Variants in BABAM2 observed in about 807,000 individuals in gnomAD.
The protein encoded by BABAM2 is BRISC and BRCA1-A complex member 2.
Under a neutral mutation model 54.7 loss-of-function variants are expected in BABAM2, and 31 were observed. The observed-to-expected ratio is 0.57, with a 90% CI of 0.43 to 0.77. The LOEUF is 0.77. BABAM2 is among the 30% of genes least tolerant of loss of function. The pLI, the probability that BABAM2 is intolerant of heterozygous loss-of-function variation, is 0.00. For synonymous variants in BABAM2, 167 were observed against 162.9 expected, an observed-to-expected ratio of 1.03 and a Z score of -0.19; for missense variants, 364 against 455.8, an observed-to-expected ratio of 0.80 and a Z score of 1.83.
At chr2:27,922,516 C>T (rs546791021) in intron 2 of BABAM2, among the ~76,000 whole-genome samples, 7 of 152,160 alleles carry the variant, frequency 4.6e-5, no homozygotes, top group African/African-American at 7.2e-5. Flanking sequence ...CAAGAATTCC[C>T]GCTTGATAAT....
intron 10 of BABAM2, among the ~76,000 whole-genome samples, chr2:28,253,019 G>A (rs1683639436): frequency 6.6e-6 from 1 of 152,188 alleles, no homozygotes; most frequent in Admixed American, 6.5e-5. Flanking sequence ...TAATATTAAA[G>A]TACTGTTGAC....
intron 4 of BABAM2, among the ~76,000 whole-genome samples, chr2:28,024,148 T>C (rs1675472005): frequency 6.6e-6 from 1 of 152,180 alleles, no homozygotes; most frequent in South Asian, 2.1e-4. Flanking sequence ...CTCACGCCTC[T>C]AATCCCAGCA....
At chr2:28,095,864 G>A (rs1309859948) in intron 6 of BABAM2, among the ~76,000 whole-genome samples, 1 of 152,154 alleles carries the variant, frequency 6.6e-6, no homozygotes, top group Non-Finnish European at 1.5e-5. Flanking sequence ...AACAATGGAA[G>A]GTGATCAGGC....
intron 7 of BABAM2, among the ~76,000 whole-genome samples, chr2:28,148,188 G>A (rs571966045): frequency 1.3e-5 from 2 of 152,122 alleles, no homozygotes; most frequent in Non-Finnish European, 2.9e-5. Flanking sequence ...AAACAGTATC[G>A]CATTGCTCAG....
Position 28,308,099 on chromosome 2 carries a change from C to T in BABAM2, c.1088+9608C>T, listed in dbSNP as rs562397500. 65 of 244,768 alleles carry T rather than the reference C, an allele frequency of 2.7e-4. 1 individual carries two copies. Among genetic ancestry groups the T allele is most frequent in the Non-Finnish European group, 4.5e-4 (55 of 122,700 alleles). The allele number at this position is 244,768 out of a possible 1,614,324, so 15.2% of individuals were successfully genotyped here. ...GCTCAGAGTGATTAATTGACTTTGC[C>T]GAGGGCACACAGCTGGCTTCTAGAG... is the stretch of plus-strand genomic sequence containing the variant. On this transcript the variant is annotated intron_variant, in intron 11 of 11. Coordinates refer to ENST00000379624, the MANE Select transcript of BABAM2 (RefSeq NM_199191.3).
chr2:28,105,466 C>G (rs1364193928), intron 6 of BABAM2, among the ~76,000 whole-genome samples: 1 of 152,040 alleles, frequency 6.6e-6, no homozygotes, highest in Non-Finnish European at 1.5e-5. Context: ...ACCTAGGGAG[C>G]TACTGGATTG....
At chr2:27,911,345 T>G (rs964538067) in intron 2 of BABAM2, among the ~76,000 whole-genome samples, 1 of 152,162 alleles carries the variant, frequency 6.6e-6, no homozygotes, top group Non-Finnish European at 1.5e-5. Context: ...AGTTAAGAAC[T>G]ATTCATAAAT....
chr2:27,996,446 A>G (rs576246743), intron 4 of BABAM2: 2 of 154,860 alleles, frequency 1.3e-5, no homozygotes, highest in African/African-American at 4.8e-5. Context: ...GGCCCACAAC[A>G]TACTTCAGAA....
chr2:28,186,979 G>A (rs1034280677), intron 7 of BABAM2, among the ~76,000 whole-genome samples: 2 of 152,044 alleles, frequency 1.3e-5, no homozygotes, highest in African/African-American at 4.8e-5. Flanking sequence ...CTAATTTTTT[G>A]TATTTTTAGT....
At chr2:27,960,180 A>G (rs1004355975) in intron 3 of BABAM2, among the ~76,000 whole-genome samples, 3 of 152,110 alleles carry the variant, frequency 2.0e-5, no homozygotes, top group Non-Finnish European at 4.4e-5. Flanking sequence ...TGGGCATTTC[A>G]GAGTTATTTG....
At chr2:27,938,414 C>T (rs554361658) in intron 3 of BABAM2, among the ~76,000 whole-genome samples, 5 of 150,666 alleles carry the variant, frequency 3.3e-5, no homozygotes, top group Non-Finnish European at 5.9e-5. Context: ...TTTTTTGAGA[C>T]AGAATCTCGC....
At chr2:27,907,486 C>A (rs1482101965) in intron 2 of BABAM2, among the ~76,000 whole-genome samples, 1 of 151,808 alleles carries the variant, frequency 6.6e-6, no homozygotes, top group Non-Finnish European at 1.5e-5. Context: ...CATGTTGGGT[C>A]AATTTTGGGC....
intron 11 of BABAM2, among the ~76,000 whole-genome samples, chr2:28,312,815 C>T (rs1260281280): frequency 1.3e-5 from 2 of 152,096 alleles, no homozygotes; most frequent in Admixed American, 1.3e-4. Context: ...TTGTGATAGA[C>T]ATTCAATGAA....
chr2:28,316,221 A>G (rs1246562075), intron 11 of BABAM2, among the ~76,000 whole-genome samples: 2 of 152,120 alleles, frequency 1.3e-5, no homozygotes, highest in Non-Finnish European at 2.9e-5. Flanking sequence ...AGCCAGAACA[A>G]ACCTGTTCCC....
At chr2:28,079,372 A>G (rs1664966033) in intron 6 of BABAM2, among the ~76,000 whole-genome samples, 1 of 152,208 alleles carries the variant, frequency 6.6e-6, no homozygotes, top group South Asian at 2.1e-4. Flanking sequence ...ACTCTTGCAC[A>G]TATTTCTAGA....
chr2:27,909,332 T>A (rs931557623), intron 2 of BABAM2, among the ~76,000 whole-genome samples: 2 of 152,180 alleles, frequency 1.3e-5, no homozygotes, highest in Non-Finnish European at 2.9e-5. Context: ...GGCTTGAGCA[T>A]CTTTTCATGT....
chr2:28,190,234 G>A (rs1676754324), intron 7 of BABAM2, among the ~76,000 whole-genome samples: 1 of 152,178 alleles, frequency 6.6e-6, no homozygotes, highest in Non-Finnish European at 1.5e-5. Context: ...TATAGATTGA[G>A]TAGCTTATAA....
intron 7 of BABAM2, among the ~76,000 whole-genome samples, chr2:28,206,537 C>T (rs1054362758): frequency 2.6e-5 from 4 of 152,132 alleles, no homozygotes; most frequent in African/African-American, 9.7e-5. Flanking sequence ...GATGATGTTA[C>T]TGACTGATGA....
In BABAM2 at chr2:27,902,988, A is replaced by G. The variant is rs73923955; in HGVS notation, c.128+8304A>G. On this transcript the variant is annotated intron_variant, in intron 2 of 11. Transcript: ENST00000379624. ...ATCTGGGCCTATCCAAAAGTCACAC[A>G]TCTTTCTTTACGAATTTTAAAGTTT... Among the ~76,000 whole-genome samples, 512 of 152,216 alleles carry G rather than the reference A, an allele frequency of 3.4e-3. 5 individuals carry two copies. The highest frequency in any genetic ancestry group is 0.012 in the African/African-American group (488 of 41,546).
Sources: gnomAD v4.1 joint callset for allele counts (sites outside exome capture counted in the v4.1 genomes callset) on GRCh38, gnomAD v4.1.1 for gene constraint, MANE v1.5 for transcripts, NCBI Gene and HGNC (gene_info 2026-07-23, HGNC 2026-07-21) for gene names.